The following SDK1 variants were observed in gnomAD, a reference collection of about 807,000 sequenced individuals.
SDK1 encodes protein sidekick-1.
A neutral mutation model predicts 245.5 loss-of-function variants in SDK1; 157 were observed. The ratio of observed to expected loss-of-function variants is 0.64; its 90% CI spans 0.56 to 0.73. The LOEUF (loss-of-function observed/expected upper bound fraction) is 0.73, where lower values mean the gene tolerates loss of function less well. Ranked by LOEUF, SDK1 falls within the 30% of genes least tolerant of loss-of-function variation. The pLI is 0.00. For synonymous variants in SDK1, 1,647 were observed against 1,278.5 expected (o/e 1.29, Z -6.15); for missense variants, 3,583 against 3,002.3 (o/e 1.19, Z -4.52).
At chr7:4,188,389 C>G (rs1221539910) in intron 35 of SDK1, among the ~76,000 whole-genome samples, 2 of 152,156 alleles carry the variant, frequency 1.3e-5, no homozygotes, top group Admixed American at 1.3e-4. Context: ...GTTGTCTCCA[C>G]GGCTTAATGG....
intron 4 of SDK1, among the ~76,000 whole-genome samples, chr7:3,797,907 A>T (rs1779004255): frequency 6.6e-6 from 1 of 152,128 alleles, no homozygotes; most frequent in Non-Finnish European, 1.5e-5. Flanking sequence ...TGCTTTTGAG[A>T]TCATTCAAAT....
intron 1 of SDK1, among the ~76,000 whole-genome samples, chr7:3,609,239 T>A (rs1052360969): frequency 6.6e-6 from 1 of 152,148 alleles, no homozygotes; most frequent in Non-Finnish European, 1.5e-5. Context: ...TGTCCTTAAT[T>A]TTTTTGTATG....
chr7:4,189,161 C>T (rs1783050953), intron 35 of SDK1, among the ~76,000 whole-genome samples: 1 of 152,176 alleles, frequency 6.6e-6, no homozygotes, highest in Non-Finnish European at 1.5e-5. Flanking sequence ...CATGCTTGCT[C>T]CCGGGAGCTG....
At chr7:4,054,861 A>G (rs1779103587) in intron 19 of SDK1, among the ~76,000 whole-genome samples, 3 of 152,084 alleles carry the variant, frequency 2.0e-5, no homozygotes, top group Admixed American at 2.0e-4. Context: ...TGACATGATC[A>G]TCTGGTTTTT....
Position 4,266,544 on chromosome 7 carries a change from T to A in SDK1, c.*1160T>A, listed in dbSNP as rs953084431. ...CCTCTCCCAGTCCGAGGCCAGCTTT[T>A]AGCCTTAACAGGTTTTTTGGAAATG... On this transcript the variant is annotated 3_prime_UTR_variant, in exon 45 of 45. Coordinates refer to ENST00000404826, the MANE Select transcript of SDK1 (RefSeq NM_152744.4). The A allele has an allele frequency of 1.1e-5, 11 of 983,828 alleles. No individual in the cohort carries two copies. In the African/African-American group the frequency reaches 1.9e-4, roughly 17 times the overall value. The allele number at this position is 983,828 out of a possible 1,614,324, so 60.9% of individuals were successfully genotyped here. A position where few individuals can be genotyped will look rare whatever the true frequency, so the allele number is the denominator to read the frequency against.
intron 42 of SDK1, among the ~76,000 whole-genome samples, chr7:4,240,294 C>T (rs930491825): frequency 6.6e-6 from 1 of 152,018 alleles, no homozygotes; most frequent in Non-Finnish European, 1.5e-5. Flanking sequence ...TAATTGAAGC[C>T]GGGAAAAAAT....
intron 1 of SDK1, among the ~76,000 whole-genome samples, chr7:3,354,890 C>A (rs780982824): frequency 1.3e-5 from 2 of 152,200 alleles, no homozygotes; most frequent in Non-Finnish European, 2.9e-5. Flanking sequence ...TTAAAGAGGC[C>A]TCACTGCTGT....
chr7:3,855,407 A>G (rs146520505), intron 5 of SDK1, among the ~76,000 whole-genome samples: 2 of 152,304 alleles, frequency 1.3e-5, no homozygotes, highest in East Asian at 1.9e-4. Context: ...GTGCAAGAAC[A>G]TATTGCATCC....
At chr7:3,502,960 G>A (rs1335583432) in intron 1 of SDK1, among the ~76,000 whole-genome samples, 1 of 152,146 alleles carries the variant, frequency 6.6e-6, no homozygotes, top group Non-Finnish European at 1.5e-5. Flanking sequence ...TTAATGAACT[G>A]TTTGTAAAAT....
chr7:4,210,210 C>T, intron 38 of SDK1, 48 bp downstream of exon 38: 2 of 1,451,332 alleles, frequency 1.4e-6, no homozygotes, highest in Admixed American at 2.8e-5. Flanking sequence ...CACCAGTGCC[C>T]AGCCCTCTGC....
chr7:4,045,084 C>T (rs7810949), intron 17 of SDK1, among the ~76,000 whole-genome samples: 47,546 of 152,010 alleles, frequency 0.31, 11,584 homozygotes, highest in African/African-American at 0.69. Flanking sequence ...TTCACCTGTG[C>T]GTTCATGCGT....
intron 4 of SDK1, among the ~76,000 whole-genome samples, chr7:3,762,933 CTG>C (rs1472254444): frequency 6.6e-6 from 1 of 152,156 alleles, no homozygotes; most frequent in South Asian, 2.1e-4. Flanking sequence ...TACAACATAA[CTG>C]TGTTCTAGCC....
chr7:3,578,405 A>G (rs1054287121), intron 1 of SDK1, among the ~76,000 whole-genome samples: 7 of 152,076 alleles, frequency 4.6e-5, no homozygotes. Flanking sequence ...AGAACTACTG[A>G]TAAGGGTCTA....
chr7:3,301,358 G>T lies in SDK1; in HGVS notation c.-229G>T. ...CGGGCTCGGGACTGCGTGAGCGCCG[G>T]ACGCGAATTTCCCCCGTTGACAACT... On this transcript the variant is annotated 5_prime_UTR_variant, in exon 1 of 45. Coordinates refer to ENST00000404826, the MANE Select transcript of SDK1 (RefSeq NM_152744.4). 6.8e-6 allele frequency: 1 copy of T among 147,666 alleles called. No homozygotes were observed. Among genetic ancestry groups the T allele is most frequent in the South Asian group, 1.8e-4 (1 of 5,574 alleles). 9.1% of individuals were successfully genotyped at this position (147,666 alleles called of 1,614,324 possible).
At chr7:3,631,214 G>T (rs575988670) in intron 2 of SDK1, among the ~76,000 whole-genome samples, 1 of 152,206 alleles carries the variant, frequency 6.6e-6, no homozygotes, top group Non-Finnish European at 1.5e-5. Context: ...GATTACAGAT[G>T]TGAGCCACCA....
At chr7:3,816,240 A>G (rs1779504765) in intron 4 of SDK1, among the ~76,000 whole-genome samples, 1 of 152,138 alleles carries the variant, frequency 6.6e-6, no homozygotes, top group African/African-American at 2.4e-5. Context: ...AGAACTAACT[A>G]AAATCAGAGC....
intron 1 of SDK1, among the ~76,000 whole-genome samples, chr7:3,551,421 C>T (rs1414372066): frequency 6.6e-6 from 1 of 152,176 alleles, no homozygotes; most frequent in Non-Finnish European, 1.5e-5. Context: ...AGCAATGTTT[C>T]TCCCTCATTT....
intron 1 of SDK1, among the ~76,000 whole-genome samples, chr7:3,580,526 A>G (rs1780445170): frequency 6.6e-6 from 1 of 152,212 alleles, no homozygotes. Context: ...CAAAGCTGAC[A>G]AAAACAAGAA....
At chr7:4,027,619 G>C (rs756738361) in intron 17 of SDK1, among the ~76,000 whole-genome samples, 3 of 152,080 alleles carry the variant, frequency 2.0e-5, no homozygotes, top group Non-Finnish European at 4.4e-5. Context: ...GAGTTTCCTC[G>C]GATTAACCAT....
Sources: gnomAD v4.1 joint callset for allele counts (sites outside exome capture counted in the v4.1 genomes callset) on GRCh38, gnomAD v4.1.1 for gene constraint, MANE v1.5 for transcripts, NCBI Gene and HGNC (gene_info 2026-07-23, HGNC 2026-07-21) for gene names.